The following CYP11B1 variants were observed in gnomAD, a reference collection of about 807,000 sequenced individuals.
CYP11B1 encodes cytochrome P450 11B1, mitochondrial.
CYP11B1 carries 34 observed loss-of-function variants against 48.3 expected under a neutral mutation model. That is an observed-to-expected ratio of 0.70 (90% CI 0.54 to 0.94). The LOEUF (loss-of-function observed/expected upper bound fraction) is 0.94. CYP11B1 is among the 40% of genes least tolerant of loss of function. The pLI, the probability that CYP11B1 is intolerant of heterozygous loss-of-function variation, is 0.00. For missense variants in CYP11B1, 688 were observed against 657.4 expected (o/e 1.05, Z -0.51); for synonymous variants, 291 against 262.5 (o/e 1.11, Z -1.05).
intron 5 of CYP11B1, 75 bp from the exon 6 acceptor site, chr8:142,875,953 C>T (rs1049838694): frequency 8.9e-6 from 14 of 1,580,174 alleles, no homozygotes; most frequent in African/African-American, 2.7e-5. Context: ...CCCAGGACAA[C>T]CTCCCTGTGA....
intron 8 of CYP11B1, 116 bp from the exon 9 acceptor site, chr8:142,874,602 C>T (rs1335414934): frequency 1.3e-6 from 1 of 791,954 alleles, no homozygotes; most frequent in South Asian, 1.4e-5. Flanking sequence ...GCAGCCTGGC[C>T]TCCAACCTGT....
intron 4 of CYP11B1, 139 bp downstream of exon 4, chr8:142,876,543 C>A: frequency 6.5e-7 from 1 of 1,547,976 alleles, no homozygotes; most frequent in Non-Finnish European, 8.7e-7. Flanking sequence ...CCCAGCCTCG[C>A]ACCAATCTCC....
At chr8:142,876,500 C>T (rs1007124772) in intron 4 of CYP11B1, 105 bp from the exon 5 acceptor site, 6 of 1,539,596 alleles carry the variant, frequency 3.9e-6, no homozygotes, top group African/African-American at 1.4e-5. Flanking sequence ...TCCCTGCTCT[C>T]ATCCCAAATT....
In CYP11B1 at chr8:142,875,306, G is replaced by T. The variant is rs760880418; in HGVS notation, c.1128C>A (p.Tyr376Ter). 6.2e-7 allele frequency: 1 copy of T among 1,612,802 alleles called. No individual in the cohort carries two copies. Among genetic ancestry groups the T allele is most frequent in the African/African-American group, 1.3e-5 (1 of 74,900 alleles). ...CTCGCTCCAGAAACAGACCCACAGG[G>T]TAGAGCCTGGAGGTGGGGGCATCCA... Reference protein sequence around the residue: ...RAALKETLRLYPVGLFLERVA... With the variant: ...RAALKETLRL Residue 376 changes from tyrosine (Y) to a stop codon, truncating the protein, a stop_gained, in exon 7 of 9, where the codon TAC (tyrosine) becomes TAA (stop). Transcript: ENST00000292427. LOFTEE classifies it high-confidence loss of function.
At chr8:142,879,277 C>A in intron 1 of CYP11B1, 90 bp from the exon 2 acceptor site, 1 of 1,609,258 alleles carries the variant, frequency 6.2e-7, no homozygotes, top group Non-Finnish European at 8.5e-7. Flanking sequence ...CTCCTGTCCA[C>A]CCTCCCCTCT....
chr8:142,876,101 C>G (rs1407444992), intron 5 of CYP11B1, 140 bp downstream of exon 5: 24 of 1,299,260 alleles, frequency 1.8e-5, no homozygotes, highest in Admixed American at 7.8e-5. Context: ...ACGTGTTTAT[C>G]ACATCACAAT....
At chr8:142,874,817 G>C (rs1223893242) in intron 8 of CYP11B1, 140 bp downstream of exon 8, 1 of 1,086,752 alleles carries the variant, frequency 9.2e-7, no homozygotes, top group East Asian at 2.6e-5. Context: ...CCTGGCCCAG[G>C]TTCTCCCAGT....
intron 8 of CYP11B1, 37 bp downstream of exon 8, chr8:142,874,920 C>T: frequency 6.2e-7 from 1 of 1,609,636 alleles, no homozygotes; most frequent in Non-Finnish European, 8.5e-7. Flanking sequence ...GCTGCCCAGA[C>T]CCCGCCCAGG....
At chr8:142,876,962 C>A in intron 3 of CYP11B1, 61 bp downstream of exon 3, 1 of 1,612,024 alleles carries the variant, frequency 6.2e-7, no homozygotes, top group East Asian at 2.2e-5. Context: ...CTTCAGTCCC[C>A]CATCCCCGTC....
intron 2 of CYP11B1, among the ~76,000 whole-genome samples, chr8:142,878,766 A>G (rs1454899988): frequency 6.6e-6 from 1 of 152,196 alleles, no homozygotes; most frequent in Non-Finnish European, 1.5e-5. Flanking sequence ...AGGTTGGTGC[A>G]GAGCGGGTTC....
chr8:142,876,063 C>A (rs1246606823), intron 5 of CYP11B1, 178 bp downstream of exon 5: 3 of 1,130,374 alleles, frequency 2.7e-6, no homozygotes, highest in South Asian at 1.4e-5. Context: ...AGAAAGGAAC[C>A]CCCCATTCCA....
At chr8:142,879,306 C>G in intron 1 of CYP11B1, 119 bp from the exon 2 acceptor site, 1 of 1,606,274 alleles carries the variant, frequency 6.2e-7, no homozygotes, top group Non-Finnish European at 8.5e-7. Context: ...AGCGGCTTCA[C>G]AGCTAAAGCC....
intron 5 of CYP11B1, 77 bp downstream of exon 5, chr8:142,876,164 G>A (rs528133024): frequency 3.6e-5 from 58 of 1,593,710 alleles, no homozygotes; most frequent in Admixed American, 3.5e-4. Flanking sequence ...CGTGGGCGCC[G>A]TGTGACATTG....
In CYP11B1 at chr8:142,879,755, C is replaced by T; in HGVS notation, c.59G>A (p.Arg20Lys). 6.2e-7 allele frequency: 1 copy of T among 1,614,234 alleles called. No individual in the cohort carries two copies. The change falls in exon 1 of 9, where the codon AGG (arginine) becomes AAG (lysine). Residue 20 changes from arginine to lysine, a missense_variant. Arg to Lys is a conservative substitution (Grantham distance 26). Transcript: ENST00000292427. The stretch of plus-strand genomic sequence containing the variant: ...GGCTCTCGTGCCCAGTGCCTGTGCC[C>T]TTTGCAGGGACAGCCAGGGCACTGC... The part of the protein sequence containing the change: ...CMAVPWLSLQ[R>K]AQALGTRAAR...
rs4236887 is a variant in CYP11B1 at position 142,878,271 on chromosome 8, A to T, written c.395+761T>A. On this transcript the variant is annotated intron_variant, in intron 2 of 8. Transcript: ENST00000292427. ...GCCTCAGTGAAGGCCCCCACCCTTG[A>T]GTGCCCTTTTACCTAAACCCCACTA... Among the ~76,000 whole-genome samples, 28 of 152,242 alleles carry T rather than the reference A, an allele frequency of 1.8e-4. 2 individuals carry two copies. The South Asian group carries it at 5.4e-3, about 29-fold the overall frequency.
rs941497861 is a variant in CYP11B1 at position 142,872,745 on chromosome 8, G to A, written c.*1628C>T. The stretch of plus-strand genomic sequence containing the variant: ...GCAGAGTAGTTTAATCTGAATTTTT[G>A]TGTCCGCCTCCAGAATTCATAGGCT... On this transcript the variant is annotated 3_prime_UTR_variant, in exon 9 of 9. Coordinates refer to ENST00000292427, the MANE Select transcript of CYP11B1 (RefSeq NM_000497.4). 1 of 152,178 alleles carries A rather than the reference G, an allele frequency of 6.6e-6. No homozygotes were observed. The highest frequency in any genetic ancestry group is 1.5e-5 in the Non-Finnish European group (1 of 68,034). 9.4% of individuals were successfully genotyped at this position (152,178 alleles called of 1,614,324 possible).
intron 8 of CYP11B1, 71 bp downstream of exon 8, chr8:142,874,886 C>A: frequency 6.3e-7 from 1 of 1,581,432 alleles, no homozygotes; most frequent in East Asian, 2.2e-5. Flanking sequence ...GAGGCCAGTC[C>A]CACATTGCTC....
Position 142,875,813 on chromosome 8 carries a change from C to G in CYP11B1, c.1020G>C (p.Leu340=), listed in dbSNP as rs528308715. 22 of 1,614,078 alleles carry G rather than the reference C, an allele frequency of 1.4e-5. No homozygotes were observed. The East Asian group carries it at 4.9e-4, about 36-fold the overall frequency. Residue 340 remains leucine, a synonymous_variant, in exon 6 of 9, where the codon CTG becomes CTC. Transcript: ENST00000292427. ...LARNPNVQQA[L]RQESLAAAAS... is the part of the protein sequence containing the mutation. The stretch of plus-strand genomic sequence containing the variant: ...CTGCGGCGGCCAGGCTCTCCTGGCG[C>G]AGGGCCTGCTGCACGTTGGGGTTCC...
At position 142,875,747 on chromosome 8, in the gene CYP11B1, C is replaced by G. The variant is rs6403; in HGVS notation, c.1086G>C (p.Leu362=). 0.042 allele frequency: 67,595 copies of G among 1,613,642 alleles called. 6,236 individuals are homozygous for G. In the East Asian group the frequency reaches 0.43, roughly 10 times the overall value. The change falls in exon 6 of 9, where the codon CTG becomes CTC. Residue 362 remains leucine (L), a synonymous_variant. Coordinates refer to ENST00000292427, the MANE Select transcript of CYP11B1 (RefSeq NM_000497.4). ...CCTTGAGGGCCGCACGCAGCAAGGG[C>G]AGCTCGGTGGTTGCCTTCTGGGGAT... is the stretch of plus-strand genomic sequence containing the variant. ...SEHPQKATTE[L]PLLRAALKET...
Sources: gnomAD v4.1 joint callset for allele counts (sites outside exome capture counted in the v4.1 genomes callset) on GRCh38, gnomAD v4.1.1 for gene constraint, MANE v1.5 for transcripts, NCBI Gene and HGNC (gene_info 2026-07-23, HGNC 2026-07-21) for gene names.